The following PPP1R9A variants were observed in gnomAD, a reference collection of about 807,000 sequenced individuals.
The protein encoded by PPP1R9A is neurabin-1.
PPP1R9A carries 59 observed loss-of-function variants against 141.9 expected under a neutral mutation model. That is an observed-to-expected ratio of 0.42 (90% confidence interval 0.34 to 0.52). PPP1R9A has a LOEUF of 0.52. PPP1R9A is among the 20% of genes least tolerant of loss of function. The pLI, the probability that PPP1R9A is intolerant of heterozygous loss-of-function variation, is 0.10. For synonymous variants in PPP1R9A, 500 were observed against 569.7 expected, an observed-to-expected ratio of 0.88 and a Z score of 1.74; for missense variants, 1,444 against 1,611.9, an observed-to-expected ratio of 0.90 and a Z score of 1.78.
intron 5 of PPP1R9A, among the ~76,000 whole-genome samples, chr7:95,183,477 GTCTTGCTCT>G: frequency 7.6e-6 from 1 of 131,558 alleles, no homozygotes; most frequent in Non-Finnish European, 1.6e-5. Context: ...TTGAGACAGA[GTCTTGCTCT>G]GTTGCCCAGG....
chr7:94,986,148 T>C (rs1800802729), intron 2 of PPP1R9A, among the ~76,000 whole-genome samples: 1 of 152,206 alleles, frequency 6.6e-6, no homozygotes, highest in Non-Finnish European at 1.5e-5. Context: ...GTTATACTTT[T>C]ACCACTACCA....
At chr7:95,149,162 G>C (rs1362718286) in intron 4 of PPP1R9A, among the ~76,000 whole-genome samples, 2 of 151,874 alleles carry the variant, frequency 1.3e-5, no homozygotes, top group African/African-American at 4.8e-5. Flanking sequence ...GATTATATCA[G>C]TAGATGCAGA....
chr7:95,136,382 GGA>G (rs1298562344), intron 4 of PPP1R9A, among the ~76,000 whole-genome samples: 1 of 152,102 alleles, frequency 6.6e-6, no homozygotes, highest in Non-Finnish European at 1.5e-5. Flanking sequence ...CTTGATCCCA[GGA>G]GTTTGAGACC....
intron 5 of PPP1R9A, among the ~76,000 whole-genome samples, chr7:95,179,589 T>C (rs1375475212): frequency 1.3e-5 from 2 of 152,032 alleles, no homozygotes; most frequent in Admixed American, 1.3e-4. Context: ...GTGTCACTGT[T>C]TGCTGATGAT....
intron 16 of PPP1R9A, 99 bp downstream of exon 16, chr7:95,274,267 T>A (rs1802753600): frequency 9.1e-6 from 10 of 1,093,334 alleles, no homozygotes; most frequent in Non-Finnish European, 1.3e-5. Context: ...ATCTTTGAGC[T>A]AAAGTGATAT....
At chr7:95,167,192 G>A (rs1051439690) in intron 5 of PPP1R9A, among the ~76,000 whole-genome samples, 12 of 152,138 alleles carry the variant, frequency 7.9e-5, no homozygotes, top group African/African-American at 1.9e-4. Context: ...CAGGCAAAGA[G>A]AGAGTGCTTA....
chr7:95,209,905 A>C (rs1418064864), intron 7 of PPP1R9A, among the ~76,000 whole-genome samples: 2 of 152,210 alleles, frequency 1.3e-5, no homozygotes, highest in African/African-American at 4.8e-5. Context: ...GGGAAATACA[A>C]ATCTCTTAGT....
intron 12 of PPP1R9A, among the ~76,000 whole-genome samples, chr7:95,257,026 C>T (rs187370401): frequency 2.8e-4 from 43 of 152,172 alleles, no homozygotes; most frequent in Admixed American, 1.6e-3. Context: ...AATTAGAATT[C>T]AAACAAGGCT....
chr7:95,041,400 A>C (rs935634181), intron 2 of PPP1R9A, among the ~76,000 whole-genome samples: 10 of 152,178 alleles, frequency 6.6e-5, no homozygotes, highest in Admixed American at 6.6e-5. Context: ...CATTGGTAGA[A>C]TTTAAAGTCT....
Position 95,111,204 on chromosome 7 carries a change from C to T in PPP1R9A, c.1396-55C>T, listed in dbSNP as rs1584744139. 2.7e-6 allele frequency: 4 copies of T among 1,473,938 alleles called. No homozygotes were observed. In the East Asian group the frequency reaches 9.1e-5, roughly 34 times the overall value. 91.3% of individuals were successfully genotyped at this position (1,473,938 alleles called of 1,614,324 possible). On this transcript the variant is annotated intron_variant, in intron 2 of 19. Coordinates refer to ENST00000433360, the MANE Select transcript of PPP1R9A (RefSeq NM_001166160.2). ...GTTTAAACTTACATAGTTTTGGATA[C>T]CTGGCAGGTTTTTTTTTTTTTCTGT...
intron 4 of PPP1R9A, among the ~76,000 whole-genome samples, chr7:95,135,907 C>A (rs2152547194): frequency 1.7e-5 from 2 of 118,260 alleles, no homozygotes; most frequent in Non-Finnish European, 3.3e-5. Flanking sequence ...GTTCATCCTT[C>A]AAATGCCATG....
At chr7:95,051,035 G>C (rs760652911) in intron 2 of PPP1R9A, among the ~76,000 whole-genome samples, 34 of 152,070 alleles carry the variant, frequency 2.2e-4, no homozygotes, top group Non-Finnish European at 4.3e-4. Flanking sequence ...TCACTATCCA[G>C]AGTTATCTAG....
chr7:95,117,164 C>A (rs1373869264), intron 3 of PPP1R9A, among the ~76,000 whole-genome samples: 1 of 151,984 alleles, frequency 6.6e-6, no homozygotes, highest in Non-Finnish European at 1.5e-5. Flanking sequence ...ATAGTGTCTT[C>A]CATAATAACA....
intron 4 of PPP1R9A, chr7:95,154,969 G>A (rs572500891): frequency 6.6e-6 from 1 of 152,122 alleles, no homozygotes; most frequent in East Asian, 1.9e-4. Flanking sequence ...GGTCTTTAAA[G>A]TTCAGATTAT....
intron 7 of PPP1R9A, among the ~76,000 whole-genome samples, chr7:95,218,495 A>G (rs1247668534): frequency 7.2e-5 from 11 of 152,194 alleles, no homozygotes. Flanking sequence ...CTCTTGGTGC[A>G]GAGCTGAGTT....
intron 7 of PPP1R9A, among the ~76,000 whole-genome samples, chr7:95,221,576 T>C (rs1489730625): frequency 3.3e-5 from 5 of 152,112 alleles, no homozygotes; most frequent in Admixed American, 3.3e-4. Flanking sequence ...CTTGTTACTA[T>C]AATTATGTTA....
chr7:95,024,082 AT>A (rs1806435051), intron 2 of PPP1R9A, among the ~76,000 whole-genome samples: 1 of 152,086 alleles, frequency 6.6e-6, no homozygotes, highest in South Asian at 2.1e-4. Flanking sequence ...TTTCCATGTA[AT>A]TGTGTGGTTT....
At chr7:95,142,580 A>G (rs1826898729) in intron 4 of PPP1R9A, among the ~76,000 whole-genome samples, 14 of 152,042 alleles carry the variant, frequency 9.2e-5, no homozygotes, top group Admixed American at 9.2e-4. Flanking sequence ...CCATATGGAT[A>G]TTTAGTTTTC....
intron 2 of PPP1R9A, among the ~76,000 whole-genome samples, chr7:94,953,039 A>G (rs541372761): frequency 1.9e-4 from 29 of 152,222 alleles, no homozygotes; most frequent in African/African-American, 5.8e-4. Context: ...GCCCATGCCT[A>G]TGTCCTGAAT....
Sources: gnomAD v4.1 joint callset for allele counts (sites outside exome capture counted in the v4.1 genomes callset) on GRCh38, gnomAD v4.1.1 for gene constraint, MANE v1.5 for transcripts, NCBI Gene and HGNC (gene_info 2026-07-23, HGNC 2026-07-21) for gene names.